Variants in SYNE1 observed in about 807,000 individuals in gnomAD.
SYNE1 encodes nesprin-1.
Under a neutral mutation model 1,111.0 loss-of-function variants are expected in SYNE1, and 616 were observed. That is an observed-to-expected ratio of 0.55 (90% CI 0.52 to 0.59). SYNE1 has a LOEUF of 0.59. Ranked by LOEUF, SYNE1 falls within the 20% of genes least tolerant of loss-of-function variation. The pLI is 0.00. For missense variants in SYNE1, 10,006 were observed against 10,417.0 expected (o/e 0.96, Z 1.72); for synonymous variants, 3,855 against 3,825.8 (o/e 1.01, Z -0.28).
At chr6:152,566,867 T>C (rs2099415214) in intron 3 of SYNE1, among the ~76,000 whole-genome samples, 1 of 152,182 alleles carries the variant, frequency 6.6e-6, no homozygotes, top group African/African-American at 2.4e-5. Flanking sequence ...TTTCAACATA[T>C]GATTTTAAAC....
intron 2 of SYNE1, among the ~76,000 whole-genome samples, chr6:152,628,948 T>C (rs1565294912): frequency 6.6e-6 from 1 of 152,180 alleles, no homozygotes; most frequent in Non-Finnish European, 1.5e-5. Flanking sequence ...TTGCACATGT[T>C]TTGCTCTGTT....
intron 36 of SYNE1, 86 bp from the exon 37 acceptor site, chr6:152,428,478 T>G (rs2098394379): frequency 4.5e-6 from 6 of 1,342,866 alleles, no homozygotes; most frequent in Non-Finnish European, 5.3e-6. Context: ...TCGCAAAATA[T>G]TTTCCCTCAG....
intron 76 of SYNE1, chr6:152,336,556 G>A: frequency 2.1e-6 from 1 of 468,758 alleles, no homozygotes; most frequent in South Asian, 2.0e-5. Context: ...GTTCACAGTA[G>A]GGTTTGCACT....
intron 100 of SYNE1, among the ~76,000 whole-genome samples, chr6:152,266,810 C>T (rs1383855820): frequency 1.3e-5 from 2 of 152,040 alleles, no homozygotes; most frequent in Non-Finnish European, 2.9e-5. Context: ...CCTCAGAATT[C>T]GTATATATGT....
intron 3 of SYNE1, among the ~76,000 whole-genome samples, chr6:152,600,888 C>T (rs554751646): frequency 7.2e-5 from 11 of 152,224 alleles, no homozygotes; most frequent in African/African-American, 1.9e-4. Flanking sequence ...AATGAAACTA[C>T]GGTAAAAATG....
At position 152,174,415 on chromosome 6, in the gene SYNE1, C is replaced by T. The variant is rs193300754; in HGVS notation, c.23627+1979G>A. Among the ~76,000 whole-genome samples the T allele has an allele frequency of 2.8e-3, 432 of 152,250 alleles. 3 individuals carry two copies. Among genetic ancestry groups the T allele is most frequent in the Non-Finnish European group, 4.6e-3 (311 of 68,020 alleles). On this transcript the variant is annotated intron_variant, in intron 130 of 145. Transcript: ENST00000367255. ...ATATTATTTCCATCTCTTTATAGTG[C>T]CTTTTCCAGAGCTCCTATTTATCTC... is the stretch of plus-strand genomic sequence containing the variant.
chr6:152,381,356 T>G lies in SYNE1; in HGVS notation c.8659A>C (p.Ile2887Leu), dbSNP rs149218610. ...QKKLSKIKEL[I>L]DSREIGASRL... ...CTTGCACCAATCTCTCTGGAATCTA[T>G]CAGCTCCTGTAATGGAATATCACCA... The change falls in exon 56 of 146, where the codon ATA becomes CTA. Residue 2887 changes from isoleucine to leucine, a missense_variant. By Grantham distance (5) the Ile-to-Leu change is conservative. Around this residue, in one of 7 missense-constraint regions of SYNE1, gnomAD observed 4,955 missense variants for 5,017.2 expected, o/e 0.99. Coordinates refer to ENST00000367255, the MANE Select transcript of SYNE1 (RefSeq NM_182961.4). 179 of 1,613,206 alleles carry G rather than the reference T, an allele frequency of 1.1e-4. No individual in the cohort carries two copies. Among genetic ancestry groups the G allele is most frequent in the Non-Finnish European group, 1.5e-4 (176 of 1,180,028 alleles).
rs773995749 is a variant in SYNE1 at position 152,407,107 on chromosome 6, C to G, written c.6630G>C (p.Glu2210Asp). 5 of 1,613,850 alleles carry G rather than the reference C, an allele frequency of 3.1e-6. No homozygotes were observed. Among genetic ancestry groups the G allele is most frequent in the Admixed American group, 3.3e-5 (2 of 59,978 alleles). The change falls in exon 45 of 146, where the codon GAG becomes GAC. Residue 2210 changes from glutamate (E) to aspartate (D), a missense_variant. Coordinates refer to ENST00000367255, the MANE Select transcript of SYNE1 (RefSeq NM_182961.4). ...DDVLSTRDEI[E>D]GWSNNCVPQM... ...GTGGAACGCAGTTGTTTGACCATCC[C>G]TCAATCTCATCTCTAGTTGACAGTA...
intron 3 of SYNE1, among the ~76,000 whole-genome samples, chr6:152,554,110 A>T (rs1429321207): frequency 6.6e-6 from 1 of 152,026 alleles, no homozygotes; most frequent in Non-Finnish European, 1.5e-5. Context: ...AGAGCTGGGA[A>T]TGAGGGCCTC....
At chr6:152,125,327 C>T (rs2053009123) in intron 145 of SYNE1, 1 of 1,550,226 alleles carries the variant, frequency 6.5e-7, no homozygotes, top group Non-Finnish European at 8.7e-7. Context: ...TATTTGGAAA[C>T]AAGTGGTTTC....
intron 130 of SYNE1, chr6:152,167,578 T>C: frequency 2.9e-6 from 1 of 344,366 alleles, no homozygotes; most frequent in East Asian, 7.2e-5. Context: ...ACATATATTT[T>C]ATAAGCTTCA....
chr6:152,282,968 G>T (rs1446991797), intron 96 of SYNE1, among the ~76,000 whole-genome samples: 1 of 152,134 alleles, frequency 6.6e-6, no homozygotes, highest in Non-Finnish European at 1.5e-5. Context: ...ATAATATTCA[G>T]TTCATATAAT....
Position 152,331,032 on chromosome 6 carries a change from A to C in SYNE1, c.13653T>G (p.Ser4551Arg), listed in dbSNP as rs774102267. 2 of 1,614,128 alleles carry C rather than the reference A, an allele frequency of 1.2e-6. No homozygotes were observed. The highest frequency in any genetic ancestry group is 4.5e-5 in the East Asian group (2 of 44,870). ...TCTTCTCTAGTTCTTGTAACCGGTG[A>C]CTGCACTTTTGTAAAACACTGTCAT... ...SVYDSVLQKC[S>R]HRLQELEKNL... The change falls in exon 78 of 146, where the codon AGT becomes AGG. Residue 4551 changes from serine to arginine, a missense_variant. By Grantham distance (110) the Ser-to-Arg change is moderately radical. Transcript: ENST00000367255.
At chr6:152,291,559 G>A (rs2094607375) in intron 95 of SYNE1, among the ~76,000 whole-genome samples, 1 of 152,150 alleles carries the variant, frequency 6.6e-6, no homozygotes. Flanking sequence ...CAGTTTATGT[G>A]TGTTTCCATC....
intron 70 of SYNE1, among the ~76,000 whole-genome samples, chr6:152,351,304 G>T (rs116795063): frequency 4.1e-4 from 63 of 152,336 alleles, no homozygotes; most frequent in African/African-American, 1.5e-3. Flanking sequence ...TGGCAGAGAA[G>T]CCAAGGATAG....
At position 152,176,245 on chromosome 6, in the gene SYNE1, T is replaced by G; in HGVS notation, c.23627+149A>C. 4.6e-6 allele frequency: 5 copies of G among 1,078,014 alleles called. 1 individual carries two copies. The South Asian group carries it at 5.4e-5, about 12-fold the overall frequency. 66.8% of individuals were successfully genotyped at this position (1,078,014 alleles called of 1,614,324 possible). A position where few individuals can be genotyped will look rare whatever the true frequency, so the allele number is the denominator to read the frequency against. On this transcript the variant is annotated intron_variant, in intron 130 of 145. Coordinates refer to ENST00000367255, the MANE Select transcript of SYNE1 (RefSeq NM_182961.4). Reference sequence around the variant, plus strand: ...ATTTTCAAGGTAACTAAAGTGCCACTTATGAGAGGAGCATGAACAGTTTTG... The same window carrying G: ...ATTTTCAAGGTAACTAAAGTGCCACGTATGAGAGGAGCATGAACAGTTTTG...
In SYNE1 at chr6:152,219,019, T is replaced by C; in HGVS notation, c.22028A>G (p.Gln7343Arg). 1.2e-6 allele frequency: 2 copies of C among 1,614,084 alleles called. No individual in the cohort carries two copies. Among genetic ancestry groups the C allele is most frequent in the East Asian group, 2.2e-5 (1 of 44,868 alleles). Residue 7343 changes from glutamine to arginine, a missense_variant, in exon 120 of 146, where the codon CAG becomes CGG. Physicochemically the swap from Gln to Arg is conservative, Grantham distance 43. Transcript: ENST00000367255. ...GCTCTGTACCTGTAATGAAGTCTGC[T>C]GTTTGCAGAGAGCTTGCTCCAGGGC... Reference protein sequence around the residue: ...LCALEQALCKQQTSLQAGVLD... With the variant: ...LCALEQALCKRQTSLQAGVLD...
intron 28 of SYNE1, among the ~76,000 whole-genome samples, chr6:152,448,157 C>T (rs2098608321): frequency 6.6e-6 from 1 of 152,154 alleles, no homozygotes; most frequent in African/African-American, 2.4e-5. Flanking sequence ...AAGCCAGTAT[C>T]CCATATAGCA....
chr6:152,409,437 C>G (rs2097972283), intron 43 of SYNE1, 122 bp downstream of exon 43: 1 of 1,372,460 alleles, frequency 7.3e-7, no homozygotes, highest in African/African-American at 1.4e-5. Context: ...AAAAGTTGAG[C>G]TCATTAGCAT....
Sources: gnomAD v4.1 joint callset for allele counts (sites outside exome capture counted in the v4.1 genomes callset) on GRCh38, gnomAD v4.1.1 for gene constraint, gnomAD v4.1.1 regional missense constraint, MANE v1.5 for transcripts, NCBI Gene and HGNC (gene_info 2026-07-23, HGNC 2026-07-21) for gene names.